The following SLC30A9 variants were observed in gnomAD, a reference collection of about 807,000 sequenced individuals.
The protein encoded by SLC30A9 is solute carrier family 30 member 9.
In SLC30A9, 58 loss-of-function variants were observed where a neutral mutation model predicts 87.5. The observed-to-expected ratio is 0.66, with a 90% CI of 0.54 to 0.82. The LOEUF (loss-of-function observed/expected upper bound fraction) is 0.82, where lower values mean the gene tolerates loss of function less well. SLC30A9 is among the 40% of genes least tolerant of loss of function. The probability of loss-of-function intolerance (pLI) is 0.00; values close to 1 mark genes in which losing one functional copy is unlikely to be tolerated. For synonymous variants in SLC30A9, 234 were observed against 233.0 expected (o/e 1.00, Z -0.04); for missense variants, 557 against 679.1 (o/e 0.82, Z 2.00).
intron 6 of SLC30A9, among the ~76,000 whole-genome samples, chr4:42,030,668 G>A (rs996136745): frequency 8.6e-5 from 13 of 151,018 alleles, no homozygotes; most frequent in African/African-American, 2.7e-4. Flanking sequence ...TTCCTGTGGT[G>A]TTAGGTCTTA....
intron 4 of SLC30A9, 115 bp downstream of exon 4, chr4:42,020,630 C>G (rs769592143): frequency 4.6e-5 from 24 of 522,586 alleles, no homozygotes; most frequent in Non-Finnish European, 6.9e-5. Context: ...GCTACTGGCT[C>G]CTTAAAATGA....
At chr4:42,022,289 G>A (rs559824650) in intron 4 of SLC30A9, among the ~76,000 whole-genome samples, 2 of 144,244 alleles carry the variant, frequency 1.4e-5, no homozygotes, top group Admixed American at 1.4e-4. Context: ...GTACAGTGGC[G>A]TGATCTTGGC....
chr4:42,027,754 A>C (rs1416533280), intron 6 of SLC30A9, among the ~76,000 whole-genome samples: 1 of 152,258 alleles, frequency 6.6e-6, no homozygotes, highest in Non-Finnish European at 1.5e-5. Flanking sequence ...TGTTCACAAA[A>C]ATAGAAAATG....
intron 9 of SLC30A9, among the ~76,000 whole-genome samples, chr4:42,059,206 T>C (rs577528398): frequency 5.3e-5 from 8 of 152,166 alleles, no homozygotes; most frequent in Non-Finnish European, 8.8e-5. Context: ...TTATTTGATA[T>C]GATGCTGGAA....
rs150743862 is a variant in SLC30A9 at position 42,031,017 on chromosome 4, T to C, written c.611-4258T>C. 1.0e-3 allele frequency among the ~76,000 whole-genome samples: 153 copies of C among 152,378 alleles called. No homozygotes were observed. In the East Asian group the frequency reaches 0.019, roughly 19 times the overall value. Reference sequence around the variant, plus strand: ...TTTCATGGTGGAAGAATTTTTTATTTATGCAGTTGTACAGTTTTATTTTTT... The same window carrying C: ...TTTCATGGTGGAAGAATTTTTTATTCATGCAGTTGTACAGTTTTATTTTTT... On this transcript the variant is annotated intron_variant, in intron 6 of 17. Transcript: ENST00000264451.
At chr4:42,049,538 C>A (rs763371146) in intron 9 of SLC30A9, 59 bp downstream of exon 9, 6 of 893,414 alleles carry the variant, frequency 6.7e-6, no homozygotes, top group Non-Finnish European at 1.0e-5. Flanking sequence ...AGGCTTTAAT[C>A]TAAAAGTTGA....
chr4:42,015,097 A>T (rs1024507771), intron 2 of SLC30A9, among the ~76,000 whole-genome samples: 1 of 152,182 alleles, frequency 6.6e-6, no homozygotes, highest in Non-Finnish European at 1.5e-5. Context: ...ATTTGAGATG[A>T]TCGATGCTCC....
At chr4:42,023,188 C>G (rs1716046170) in intron 5 of SLC30A9, 114 bp from the exon 6 acceptor site, 2 of 788,160 alleles carry the variant, frequency 2.5e-6, no homozygotes, top group African/African-American at 1.7e-5. Flanking sequence ...TTATGTTTCT[C>G]CAAAAGCACC....
intron 5 of SLC30A9, 29 bp from the exon 6 acceptor site, chr4:42,023,273 C>T (rs1228332399): frequency 1.4e-6 from 2 of 1,442,574 alleles, no homozygotes; most frequent in East Asian, 4.5e-5. Flanking sequence ...TAAAATTGTT[C>T]ATTGTGGTGA....
rs189023226 is a variant in SLC30A9, at chr4:42,074,272, C to T, written c.1419-1385C>T. Among the ~76,000 whole-genome samples the T allele has an allele frequency of 2.2e-3, 329 of 152,250 alleles. 3 individuals are homozygous for T. In the South Asian group the frequency reaches 0.024, roughly 11 times the overall value. Reference sequence around the variant, plus strand: ...AAATTTTGGACTCAGTGTTTAGTAACCTGCTCAGGATCCCTCAGAAATTAG... The same window carrying T: ...AAATTTTGGACTCAGTGTTTAGTAATCTGCTCAGGATCCCTCAGAAATTAG... On this transcript the variant is annotated intron_variant, in intron 15 of 17. Coordinates refer to ENST00000264451, the MANE Select transcript of SLC30A9 (RefSeq NM_006345.4).
At chr4:42,004,603 T>G (rs982496313) in intron 2 of SLC30A9, among the ~76,000 whole-genome samples, 2 of 152,064 alleles carry the variant, frequency 1.3e-5, no homozygotes, top group African/African-American at 4.8e-5. Context: ...AATATGCTGG[T>G]TGATTATGTA....
chr4:42,007,906 G>A (rs544224381), intron 2 of SLC30A9, among the ~76,000 whole-genome samples: 48 of 152,286 alleles, frequency 3.2e-4, no homozygotes, highest in African/African-American at 1.1e-3. Flanking sequence ...CGTAACAAGT[G>A]TGGTCTTTTT....
intron 8 of SLC30A9, among the ~76,000 whole-genome samples, chr4:42,045,026 A>T (rs2153138007): frequency 6.6e-6 from 1 of 152,340 alleles, no homozygotes; most frequent in East Asian, 1.9e-4. Flanking sequence ...GAACAAAGAC[A>T]CAGTGTACCA....
intron 8 of SLC30A9, among the ~76,000 whole-genome samples, chr4:42,042,752 G>A (rs1307332058): frequency 1.3e-5 from 2 of 152,156 alleles, no homozygotes; most frequent in Admixed American, 6.5e-5. Flanking sequence ...TCCTCAAGTG[G>A]GTCCTTGACC....
At chr4:42,010,519 T>C (rs964853237) in intron 2 of SLC30A9, among the ~76,000 whole-genome samples, 11 of 152,150 alleles carry the variant, frequency 7.2e-5, no homozygotes, top group Admixed American at 5.9e-4. Flanking sequence ...CACACAGTAT[T>C]TGGTCATTTT....
At position 42,029,132 on chromosome 4, in the gene SLC30A9, A is replaced by G. The variant is rs186648607; in HGVS notation, c.610+5748A>G. 39 of 313,032 alleles carry G rather than the reference A, an allele frequency of 1.2e-4. No homozygotes were observed. In the Admixed American group the frequency reaches 1.7e-3, roughly 14 times the overall value. 19.4% of individuals were successfully genotyped at this position (313,032 alleles called of 1,614,324 possible). A position where few individuals can be genotyped will look rare whatever the true frequency, so the allele number is the denominator to read the frequency against. ...AGAGCCAGGCCAGAGACAATGAGCA[A>G]CACCTCAGAGAACACGAGGGCGTGC... On this transcript the variant is annotated intron_variant, in intron 6 of 17. Coordinates refer to ENST00000264451, the MANE Select transcript of SLC30A9 (RefSeq NM_006345.4).
intron 8 of SLC30A9, among the ~76,000 whole-genome samples, chr4:42,041,587 T>G (rs1716925650): frequency 6.6e-6 from 1 of 152,110 alleles, no homozygotes; most frequent in Non-Finnish European, 1.5e-5. Flanking sequence ...ATTTTTTTAA[T>G]TAGCTGGGCA....
At chr4:42,037,289 G>C (rs544817814) in intron 7 of SLC30A9, among the ~76,000 whole-genome samples, 63 of 48,502 alleles carry the variant, frequency 1.3e-3, no homozygotes, top group Non-Finnish European at 2.6e-3. Flanking sequence ...TTCTGACCCA[G>C]ACACTTGTTT....
intron 2 of SLC30A9, among the ~76,000 whole-genome samples, chr4:42,013,510 A>T (rs1423330376): frequency 6.6e-6 from 1 of 152,168 alleles, no homozygotes. Context: ...ACTAAACCTA[A>T]ATCCTTTATG....
Sources: gnomAD v4.1 joint callset for allele counts (sites outside exome capture counted in the v4.1 genomes callset) on GRCh38, gnomAD v4.1.1 for gene constraint, MANE v1.5 for transcripts, NCBI Gene and HGNC (gene_info 2026-07-23, HGNC 2026-07-21) for gene names.